Variants in XPO4 observed in about 807,000 individuals in gnomAD.
XPO4 encodes the protein exportin-4.
A neutral mutation model predicts 143.0 loss-of-function variants in XPO4; 39 were observed. That is an observed-to-expected ratio of 0.27 (90% CI 0.21 to 0.36). The LOEUF is 0.36. XPO4 is among the 10% of genes least tolerant of loss of function. The pLI, the probability that XPO4 is intolerant of heterozygous loss-of-function variation, is 1.00. For missense variants in XPO4, 907 were observed against 1,348.0 expected, an observed-to-expected ratio of 0.67 and a Z score of 5.12; for synonymous variants, 439 against 474.0, an observed-to-expected ratio of 0.93 and a Z score of 0.96.
intron 1 of XPO4, among the ~76,000 whole-genome samples, chr13:20,875,126 C>T (rs981142880): frequency 6.6e-6 from 1 of 152,148 alleles, no homozygotes; most frequent in Non-Finnish European, 1.5e-5. Context: ...AACATAAATA[C>T]TGGTAGTCTT....
chr13:20,875,505 G>A (rs1595153251), intron 1 of XPO4, among the ~76,000 whole-genome samples: 2 of 151,992 alleles, frequency 1.3e-5, no homozygotes, highest in East Asian at 1.9e-4. Flanking sequence ...TCCTCCCAAT[G>A]TTCTTCCTCT....
chr13:20,884,406 G>A (rs148785764), intron 1 of XPO4, among the ~76,000 whole-genome samples: 173 of 151,824 alleles, frequency 1.1e-3, no homozygotes, highest in African/African-American at 3.8e-3. Context: ...AATCCAATCC[G>A]ATCCGATCCG....
intron 6 of XPO4, among the ~76,000 whole-genome samples, chr13:20,831,804 ATTTTTT>A (rs34302388): frequency 1.2e-4 from 11 of 88,760 alleles, no homozygotes; most frequent in Admixed American, 2.8e-4. Flanking sequence ...TAGTACAGTG[ATTTTTT>A]TTTTTTTTTT....
At chr13:20,786,819 G>T in intron 22 of XPO4, 146 bp downstream of exon 22, 1 of 557,988 alleles carries the variant, frequency 1.8e-6, no homozygotes, top group Non-Finnish European at 3.0e-6. Context: ...TAATAAAGAA[G>T]CTAAGAAATA....
At position 20,868,604 on chromosome 13, in the gene XPO4, T is replaced by A; in HGVS notation, c.167A>T (p.His56Leu). Residue 56 changes from histidine to leucine, a missense_variant, in exon 2 of 23, where the codon CAT (histidine) becomes CTT (leucine). His to Leu is a moderately conservative substitution (Grantham distance 99). Transcript: ENST00000255305. ...KSKSPFAVCK[H>L]ILETSKVDYV... ...TTTAAGTGAATACTTACCCAAAATA[T>A]GCTTGCAAACTGCAAATGGTGATTT... 1 of 1,612,362 alleles carries A rather than the reference T, an allele frequency of 6.2e-7. No homozygotes were observed. Among genetic ancestry groups the A allele is most frequent in the Non-Finnish European group, 8.5e-7 (1 of 1,179,324 alleles).
At chr13:20,883,116 G>A (rs1183736783) in intron 1 of XPO4, among the ~76,000 whole-genome samples, 1 of 152,186 alleles carries the variant, frequency 6.6e-6, no homozygotes, top group Non-Finnish European at 1.5e-5. Context: ...TGCAGGCCCT[G>A]AGAATGGCTT....
At chr13:20,862,974 CT>C (rs1236108124) in intron 2 of XPO4, 116 bp from the exon 3 acceptor site, 8 of 1,504,786 alleles carry the variant, frequency 5.3e-6, no homozygotes, top group African/African-American at 2.8e-5. Flanking sequence ...GTTACCTGTT[CT>C]TTTTTTTATC....
chr13:20,810,408 CA>C (rs905802659), intron 9 of XPO4, among the ~76,000 whole-genome samples: 11 of 152,116 alleles, frequency 7.2e-5, no homozygotes, highest in Non-Finnish European at 1.6e-4. Flanking sequence ...TAAAAAAGAA[CA>C]GCAAATTCCA....
intron 9 of XPO4, among the ~76,000 whole-genome samples, chr13:20,816,030 G>A (rs992625511): frequency 3.3e-5 from 5 of 152,152 alleles, no homozygotes; most frequent in African/African-American, 2.4e-5. Context: ...CTTAATCTGC[G>A]TGGTTGATAC....
chr13:20,855,778 A>G lies in XPO4; in HGVS notation c.318-13T>C. On this transcript the variant is annotated splice_polypyrimidine_tract_variant and intron_variant, in intron 3 of 22. Coordinates refer to ENST00000255305, the MANE Select transcript of XPO4 (RefSeq NM_022459.5). ...ATACTTTTGAAGGCTGTAAAACATA[A>G]AAATCATTGTGAAAAATTTACCTAA... 1 of 1,564,744 alleles carries G rather than the reference A, an allele frequency of 6.4e-7. No individual in the cohort carries two copies. Among genetic ancestry groups the G allele is most frequent in the Non-Finnish European group, 8.6e-7 (1 of 1,162,030 alleles).
intron 1 of XPO4, among the ~76,000 whole-genome samples, chr13:20,880,233 A>G (rs1409668784): frequency 6.6e-6 from 1 of 152,048 alleles, no homozygotes; most frequent in Non-Finnish European, 1.5e-5. Context: ...GGAGTTCAAG[A>G]CCAGCCTGGC....
chr13:20,787,655 A>C (rs2059223321), intron 20 of XPO4, 57 bp from the exon 21 acceptor site: 1 of 1,467,196 alleles, frequency 6.8e-7, no homozygotes, highest in Non-Finnish European at 9.5e-7. Context: ...TATAAAAGAT[A>C]AAAAAATTAT....
rs573273126 is a variant in XPO4, at chr13:20,804,833, C to G, written c.1817+2624G>C. Among the ~76,000 whole-genome samples, 9 of 152,300 alleles carry G rather than the reference C, an allele frequency of 5.9e-5. No individual in the cohort carries two copies. In the South Asian group the frequency reaches 1.9e-3, roughly 32 times the overall value. The stretch of plus-strand genomic sequence containing the variant: ...ACAATAAATCAAACAGAGCTTTAAC[C>G]TCTCACAACCTCCACTATAGGTCTG... On this transcript the variant is annotated intron_variant, in intron 13 of 22. Transcript: ENST00000255305.
At chr13:20,784,502 G>C (rs1213971454) in intron 22 of XPO4, among the ~76,000 whole-genome samples, 1 of 152,196 alleles carries the variant, frequency 6.6e-6, no homozygotes, top group Non-Finnish European at 1.5e-5. Flanking sequence ...GCAGCTCTTA[G>C]AGAAAGGGCA....
intron 9 of XPO4, 67 bp from the exon 10 acceptor site, chr13:20,810,034 T>C: frequency 1.5e-6 from 2 of 1,322,044 alleles, no homozygotes; most frequent in South Asian, 1.7e-5. Context: ...AACAGTCATA[T>C]AAATACATAC....
At chr13:20,893,093 G>A (rs534449958) in intron 1 of XPO4, among the ~76,000 whole-genome samples, 1 of 152,084 alleles carries the variant, frequency 6.6e-6, no homozygotes, top group South Asian at 2.1e-4. Context: ...GGGAAGGGTT[G>A]CAAAAAAGCT....
intron 3 of XPO4, among the ~76,000 whole-genome samples, chr13:20,859,598 T>A (rs1447559231): frequency 7.2e-6 from 1 of 138,322 alleles, no homozygotes; most frequent in Non-Finnish European, 1.5e-5. Context: ...AGACTCCGTC[T>A]CAAAAAACAA....
intron 3 of XPO4, among the ~76,000 whole-genome samples, chr13:20,861,308 T>TC (rs1303130449): frequency 6.0e-5 from 9 of 150,960 alleles, no homozygotes; most frequent in Non-Finnish European, 1.3e-4. Context: ...TTTTTTTTTT[T>TC]TTTTTGAGAT....
Position 20,787,341 on chromosome 13 carries a change from A to G in XPO4, c.3165+140T>C, listed in dbSNP as rs1449249909. The G allele has an allele frequency of 3.7e-6, 3 of 804,716 alleles. No individual in the cohort carries two copies. In the East Asian group the frequency reaches 7.7e-5, roughly 21 times the overall value. 49.8% of individuals were successfully genotyped at this position (804,716 alleles called of 1,614,324 possible). A position where few individuals can be genotyped will look rare whatever the true frequency, so the allele number is the denominator to read the frequency against. On this transcript the variant is annotated intron_variant, in intron 21 of 22. Coordinates refer to ENST00000255305, the MANE Select transcript of XPO4 (RefSeq NM_022459.5). ...GTGTCCATGAAGAGCTGATCTCCAG[A>G]AAAAAACAGTGAACAGGAAGTCATG...
Sources: gnomAD v4.1 joint callset for allele counts (sites outside exome capture counted in the v4.1 genomes callset) on GRCh38, gnomAD v4.1.1 for gene constraint, MANE v1.5 for transcripts, NCBI Gene and HGNC (gene_info 2026-07-23, HGNC 2026-07-21) for gene names.